CLCN3: variants seen among roughly 807,000 people sequenced by gnomAD.
CLCN3 encodes H(+)/Cl(-) exchange transporter 3.
Under a neutral mutation model 83.4 loss-of-function variants are expected in CLCN3, and 16 were observed. That is an observed-to-expected ratio of 0.19 (90% CI 0.13 to 0.29). The LOEUF (loss-of-function observed/expected upper bound fraction) is 0.29. CLCN3 is among the 10% of genes least tolerant of loss of function. The probability of loss-of-function intolerance (pLI) is 1.00; values close to 1 mark genes in which losing one functional copy is unlikely to be tolerated. For synonymous variants in CLCN3, 322 were observed against 346.2 expected (o/e 0.93, Z 0.78); for missense variants, 544 against 1,006.0 (o/e 0.54, Z 6.21).
At chr4:169,663,446 C>T in intron 2 of CLCN3, 1 of 251,996 alleles carries the variant, frequency 4.0e-6, no homozygotes, top group South Asian at 3.5e-5. Flanking sequence ...TCCTCCGTCT[C>T]ACCCTCCTTG....
chr4:169,651,612 A>G (rs1293344488), intron 2 of CLCN3, among the ~76,000 whole-genome samples: 1 of 152,166 alleles, frequency 6.6e-6, no homozygotes, highest in African/African-American at 2.4e-5. Context: ...TAAAATGTAA[A>G]TGTGTAAATA....
At chr4:169,670,418 A>T (rs568367688) in intron 2 of CLCN3, among the ~76,000 whole-genome samples, 1 of 152,158 alleles carries the variant, frequency 6.6e-6, no homozygotes, top group African/African-American at 2.4e-5. Context: ...TGAAGATCAG[A>T]TGATTGTAGA....
At chr4:169,703,536 T>C (rs754635776) in intron 9 of CLCN3, among the ~76,000 whole-genome samples, 1 of 152,226 alleles carries the variant, frequency 6.6e-6, no homozygotes. Flanking sequence ...AAAATATATA[T>C]TTTTTAATTT....
At chr4:169,626,897 A>T (rs756110222) in intron 1 of CLCN3, among the ~76,000 whole-genome samples, 4 of 152,192 alleles carry the variant, frequency 2.6e-5, no homozygotes, top group Non-Finnish European at 4.4e-5. Context: ...GATGAAAACC[A>T]ATATATATCA....
intron 2 of CLCN3, among the ~76,000 whole-genome samples, chr4:169,657,379 C>T (rs569571007): frequency 1.1e-4 from 16 of 152,000 alleles, no homozygotes; most frequent in Non-Finnish European, 2.4e-4. Context: ...TCATTTGTTT[C>T]CTAGTTTGGT....
intron 2 of CLCN3, among the ~76,000 whole-genome samples, chr4:169,656,669 T>G (rs947190665): frequency 7.2e-5 from 11 of 152,244 alleles, no homozygotes; most frequent in Non-Finnish European, 1.6e-4. Context: ...GTTTATCTCA[T>G]GTAAGTGGTT....
At chr4:169,713,378 C>T (rs1380345834) in intron 12 of CLCN3, 83 bp downstream of exon 12, 15 of 1,063,842 alleles carry the variant, frequency 1.4e-5, no homozygotes, top group East Asian at 2.4e-5. Context: ...ATTAGGGGAG[C>T]ATGTGAGTCA....
intron 2 of CLCN3, among the ~76,000 whole-genome samples, chr4:169,678,224 C>A (rs1450203120): frequency 6.6e-6 from 1 of 151,992 alleles, no homozygotes; most frequent in African/African-American, 2.4e-5. Flanking sequence ...GAGTCTATTC[C>A]CTAATCAGTA....
At chr4:169,674,168 A>G (rs1043400439) in intron 2 of CLCN3, among the ~76,000 whole-genome samples, 1 of 152,184 alleles carries the variant, frequency 6.6e-6, no homozygotes, top group African/African-American at 2.4e-5. Context: ...CTGTTGTTTT[A>G]ATCTAGAACC....
At position 169,719,977 on chromosome 4, in the gene CLCN3, G is replaced by A. The variant is rs556864442; in HGVS notation, c.2437G>A (p.Ala813Thr). 15 of 1,613,830 alleles carry A rather than the reference G, an allele frequency of 9.3e-6. No homozygotes were observed. Among genetic ancestry groups the A allele is most frequent in the South Asian group, 7.7e-5 (7 of 91,058 alleles). The change falls in exon 13 of 13, where the codon GCT becomes ACT. Residue 813 changes from alanine to threonine, a missense_variant. This residue lies in a region of CLCN3 where 142 missense variants were observed against 225.0 expected (regional missense o/e 0.63). Coordinates refer to ENST00000513761, the MANE Select transcript of CLCN3 (RefSeq NM_001829.4). ...HMAQTANQDP[A>T]SIMFN is the part of the protein sequence containing the mutation. The stretch of plus-strand genomic sequence containing the variant: ...GGCCCAGACGGCAAACCAAGACCCC[G>A]CTTCAATAATGTTCAACTGAATCTC...
At position 169,695,383 on chromosome 4, in the gene CLCN3, A is replaced by T. The variant is rs540876830; in HGVS notation, c.937-229A>T. Among the ~76,000 whole-genome samples, 11 of 152,138 alleles carry T rather than the reference A, an allele frequency of 7.2e-5. No individual in the cohort carries two copies. In the South Asian group the frequency reaches 8.3e-4, roughly 11 times the overall value. Reference sequence around the variant, plus strand: ...ATTCACATTAGTATATCTGGCAAAAATTTTTTTTAACTGAATGGTAAATGC... The same window carrying T: ...ATTCACATTAGTATATCTGGCAAAATTTTTTTTTAACTGAATGGTAAATGC... On this transcript the variant is annotated intron_variant, in intron 7 of 12. Transcript: ENST00000513761.
chr4:169,682,828 A>G (rs138374659), intron 3 of CLCN3, among the ~76,000 whole-genome samples: 288 of 152,292 alleles, frequency 1.9e-3, no homozygotes, highest in Admixed American at 3.1e-3. Context: ...GATTTTTGCT[A>G]TGGAGTCAGC....
At chr4:169,714,204 T>C (rs1304811403) in intron 12 of CLCN3, among the ~76,000 whole-genome samples, 2 of 152,132 alleles carry the variant, frequency 1.3e-5, no homozygotes, top group African/African-American at 4.8e-5. Context: ...TATTCTTGGA[T>C]TATGCATAAA....
chr4:169,714,282 T>C (rs1733340636), intron 12 of CLCN3, among the ~76,000 whole-genome samples: 1 of 150,180 alleles, frequency 6.7e-6, no homozygotes, highest in African/African-American at 2.4e-5. Flanking sequence ...AGCAGTTTTT[T>C]GTTGTTTTTT....
rs1731874101 is a variant in CLCN3, at chr4:169,680,041, C to G, written c.161-9C>G. 6.2e-7 allele frequency: 1 copy of G among 1,606,536 alleles called. No homozygotes were observed. The highest frequency in any genetic ancestry group is 1.3e-5 in the African/African-American group (1 of 74,740). On this transcript the variant is annotated splice_polypyrimidine_tract_variant and intron_variant, in intron 2 of 12. Transcript: ENST00000513761. ...AAAACATACTCATCTTTCCTTTTCT[C>G]TTCTGTAGGAACTCATTATACAATG...
rs1773093924 is a variant in CLCN3, at chr4:169,620,851, G to T, written c.-229G>T. 1 of 398,458 alleles carries T rather than the reference G, an allele frequency of 2.5e-6. No individual in the cohort carries two copies. Among genetic ancestry groups the T allele is most frequent in the African/African-American group, 2.1e-5 (1 of 48,610 alleles). 24.7% of individuals were successfully genotyped at this position (398,458 alleles called of 1,614,324 possible). On this transcript the variant is annotated 5_prime_UTR_variant, in exon 1 of 13. Transcript: ENST00000513761. ...TTAACTTCATGTTGCTCCCGTGTTT[G>T]AAGGAGGACAATAAAAGTCCCACCG... is the stretch of plus-strand genomic sequence containing the variant.
intron 3 of CLCN3, among the ~76,000 whole-genome samples, chr4:169,681,766 T>C (rs1015071986): frequency 4.6e-5 from 7 of 152,198 alleles, no homozygotes; most frequent in East Asian, 1.9e-4. Flanking sequence ...TTGACATAAA[T>C]AACATTTTTA....
intron 7 of CLCN3, among the ~76,000 whole-genome samples, chr4:169,694,782 T>C (rs1732502317): frequency 6.6e-6 from 1 of 152,070 alleles, no homozygotes; most frequent in Admixed American, 6.5e-5. Context: ...GAGGTTGCAG[T>C]GAGCTGAGAC....
In CLCN3 at chr4:169,703,896, G is replaced by A; in HGVS notation, c.1564-102G>A. The stretch of plus-strand genomic sequence containing the variant: ...TAGGATTTTGCTATATTAATACAAT[G>A]TGAAAAGAATCAAAAGTGTTAGAAA... On this transcript the variant is annotated intron_variant, in intron 9 of 12. Coordinates refer to ENST00000513761, the MANE Select transcript of CLCN3 (RefSeq NM_001829.4). 1.7e-6 allele frequency: 2 copies of A among 1,155,384 alleles called. 1 individual carries two copies. The highest frequency in any genetic ancestry group is 2.9e-5 in the South Asian group (2 of 68,498). 71.6% of individuals were successfully genotyped at this position (1,155,384 alleles called of 1,614,324 possible). A position where few individuals can be genotyped will look rare whatever the true frequency, so the allele number is the denominator to read the frequency against.
Sources: gnomAD v4.1 joint callset for allele counts (sites outside exome capture counted in the v4.1 genomes callset) on GRCh38, gnomAD v4.1.1 for gene constraint, gnomAD v4.1.1 regional missense constraint, MANE v1.5 for transcripts, NCBI Gene and HGNC (gene_info 2026-07-23, HGNC 2026-07-21) for gene names.